The following TEP1 variants were observed in gnomAD, a reference collection of about 807,000 sequenced individuals.
TEP1 encodes the protein telomerase protein component 1.
TEP1 carries 241 observed loss-of-function variants against 306.3 expected under a neutral mutation model. The observed-to-expected ratio is 0.79, with a 90% CI of 0.71 to 0.88. The LOEUF (loss-of-function observed/expected upper bound fraction) is 0.88. Ranked by LOEUF, TEP1 falls within the 40% of genes least tolerant of loss-of-function variation. The pLI, the probability that TEP1 is intolerant of heterozygous loss-of-function variation, is 0.00. For missense variants in TEP1, 3,051 were observed against 3,276.1 expected (o/e 0.93, Z 1.68); for synonymous variants, 1,289 against 1,305.5 (o/e 0.99, Z 0.27).
intron 28 of TEP1, 75 bp from the exon 29 acceptor site, chr14:20,382,431 G>A (rs1876658519): frequency 1.6e-5 from 25 of 1,559,594 alleles, no homozygotes; most frequent in Admixed American, 3.6e-5. Context: ...TAGGGAAGGG[G>A]CAGCAGGAGG....
In TEP1 at chr14:20,378,970, G is replaced by A; in HGVS notation, c.5252+11C>T. ...GCCCTCATTCCAAGACAAATGGGGA[G>A]GACCCCTTACCGACAACCATGCTGC... On this transcript the variant is annotated intron_variant, in intron 36 of 54. Transcript: ENST00000262715. The A allele has an allele frequency of 1.2e-6, 2 of 1,614,186 alleles. No homozygotes were observed. Among genetic ancestry groups the A allele is most frequent in the South Asian group, 2.2e-5 (2 of 91,070 alleles).
intron 18 of TEP1, among the ~76,000 whole-genome samples, 186 bp from the exon 19 acceptor site, chr14:20,386,809 C>A (rs1190461849): frequency 6.6e-6 from 1 of 152,180 alleles, no homozygotes; most frequent in African/African-American, 2.4e-5. Flanking sequence ...GAATTTAATG[C>A]CCACTTGCTA....
At chr14:20,379,307 T>C (rs1047599328) in intron 35 of TEP1, among the ~76,000 whole-genome samples, 1 of 152,164 alleles carries the variant, frequency 6.6e-6, no homozygotes, top group African/African-American at 2.4e-5. Context: ...CCAAACCCCA[T>C]ACCTATTCCC....
Position 20,368,414 on chromosome 14 carries a change from C to T in TEP1, c.*23G>A. 6.2e-7 allele frequency: 1 copy of T among 1,613,046 alleles called. No individual in the cohort carries two copies. Among genetic ancestry groups the T allele is most frequent in the Non-Finnish European group, 8.5e-7 (1 of 1,179,104 alleles). On this transcript the variant is annotated 3_prime_UTR_variant, in exon 55 of 55. Transcript: ENST00000262715. ...TTTGCATCTCTAGCACAAGGGGTAT[C>T]ATTATTCCCGAGTGGCACATCTTCA...
chr14:20,377,707 C>A lies in TEP1; in HGVS notation c.5768G>T (p.Gly1923Val). Reference protein sequence around the residue: ...GSLGRPRGHLGSLSLSPALSV... With the variant: ...GSLGRPRGHLVSLSLSPALSV... The stretch of plus-strand genomic sequence containing the variant: ...GAGGGCAGGAGAGAGAGAAAGGGAA[C>A]CCAGGTGCCCACGGGGCCGACCCAG... Residue 1923 changes from glycine to valine, a missense_variant, in exon 40 of 55, where the codon GGT (glycine) becomes GTT (valine). By Grantham distance (109) the Gly-to-Val change is moderately radical. Around this residue, in one of 3 missense-constraint regions of TEP1, gnomAD observed 1,540 missense variants for 1,705.9 expected, o/e 0.90. Transcript: ENST00000262715. The A allele has an allele frequency of 6.2e-7, 1 of 1,614,068 alleles. No individual in the cohort carries two copies.
rs71416944 is a variant in TEP1, at chr14:20,399,632, T to TAAAAA, written c.1549+1347_1549+1351dup. On this transcript the variant is annotated intron_variant, in intron 9 of 54. Transcript: ENST00000262715. ...GGCAACAAAGTGAGGCCCTGTTTCT[T>TAAAAA]AAAAAAAAAAAAAAAAAAAAAAAAA... Among the ~76,000 whole-genome samples the TAAAAA allele has an allele frequency of 5.2e-3, 408 of 78,590 alleles. 8 individuals are homozygous for TAAAAA. The highest frequency in any genetic ancestry group is 0.022 in the African/African-American group (379 of 16,960). 51.6% of individuals were successfully genotyped at this position (78,590 alleles called of 152,430 possible).
rs770095160 is a variant in TEP1, at chr14:20,373,263, C to T, written c.6814+7G>A. On this transcript the variant is annotated splice_region_variant and intron_variant, in intron 47 of 54. Transcript: ENST00000262715. ...ACACACCCTGTCTCTCTCCAAGCCT[C>T]ACTCACCTGCTTCCTTAGGAACCTG... 6 of 1,613,762 alleles carry T rather than the reference C, an allele frequency of 3.7e-6. No individual in the cohort carries two copies. In the Admixed American group the frequency reaches 8.3e-5, roughly 22 times the overall value.
In TEP1 at chr14:20,369,440, G is replaced by A; in HGVS notation, c.7560C>T (p.Asp2520=). ...NTPETQTPGT[D]PSTCRESDAS... is the part of the protein sequence containing the mutation. ...CATCAGATTCCCTGCAGGTAGATGG[G>A]TCTGTCCCTGGAGTTTGGGTTTCTG... The change falls in exon 53 of 55, where the codon GAC becomes GAT. Residue 2520 remains aspartate, a synonymous_variant. Coordinates refer to ENST00000262715, the MANE Select transcript of TEP1 (RefSeq NM_007110.5). The A allele has an allele frequency of 6.2e-7, 1 of 1,614,102 alleles. No homozygotes were observed. The highest frequency in any genetic ancestry group is 1.1e-5 in the South Asian group (1 of 91,076).
chr14:20,376,855 G>T (rs1337456136), intron 41 of TEP1, among the ~76,000 whole-genome samples: 1 of 152,158 alleles, frequency 6.6e-6, no homozygotes, highest in Non-Finnish European at 1.5e-5. Context: ...AAACAAAATC[G>T]CACATGTGTA....
Position 20,368,781 on chromosome 14 carries a change from CACACA to C in TEP1, c.7761+12_7761+16del, listed in dbSNP as rs774113242. ...AGGCGCACGCACACACACACACACACACACACACACACTTACCAGCTGCATACTGG... is the reference window on the plus strand; with the variant it reads ...AGGCGCACGCACACACACACACACACCACACACTTACCAGCTGCATACTGG... On this transcript the variant is annotated intron_variant, in intron 54 of 54. Transcript: ENST00000262715. The C allele has an allele frequency of 1.9e-5, 31 of 1,603,978 alleles. No homozygotes were observed. The highest frequency in any genetic ancestry group is 2.5e-5 in the Non-Finnish European group (29 of 1,171,410).
chr14:20,380,204 G>A, intron 34 of TEP1, 31 bp downstream of exon 34: 4 of 1,602,840 alleles, frequency 2.5e-6, no homozygotes, highest in Non-Finnish European at 3.4e-6. Context: ...CTCTCTGGTG[G>A]GCTTACTAGG....
In TEP1 at chr14:20,404,773, C is replaced by G. The variant is rs368233990; in HGVS notation, c.871-1G>C. On this transcript the variant is annotated splice_acceptor_variant, in intron 4 of 54. Transcript: ENST00000262715. LOFTEE classifies it high-confidence loss of function. ...GCTGCTGCCTGGCATACAAAGATGC[C>G]TAGGACACAGGGTGAGAGGACTAGA... is the stretch of plus-strand genomic sequence containing the variant. 1.2e-6 allele frequency: 2 copies of G among 1,605,930 alleles called. No individual in the cohort carries two copies. The highest frequency in any genetic ancestry group is 1.7e-6 in the Non-Finnish European group (2 of 1,175,570).
chr14:20,366,176 C>G lies in TEP1; in HGVS notation c.*2261G>C, dbSNP rs11555903. ...CAAAAAACCCTTCAAGTGGGCCTGGCCAACAAGACTGAATCTATTGAGCCT... is the reference window on the plus strand; with the variant it reads ...CAAAAAACCCTTCAAGTGGGCCTGGGCAACAAGACTGAATCTATTGAGCCT... On this transcript the variant is annotated 3_prime_UTR_variant, in exon 55 of 55. Transcript: ENST00000262715. The G allele has an allele frequency of 3.0e-4, 45 of 152,194 alleles. No homozygotes were observed. The highest frequency in any genetic ancestry group is 2.5e-3 in the Admixed American group (38 of 15,280). 9.4% of individuals were successfully genotyped at this position (152,194 alleles called of 1,614,324 possible). A position where few individuals can be genotyped will look rare whatever the true frequency, so the allele number is the denominator to read the frequency against.
intron 7 of TEP1, among the ~76,000 whole-genome samples, chr14:20,402,484 G>A (rs990130041): frequency 6.6e-6 from 1 of 152,090 alleles, no homozygotes; most frequent in Non-Finnish European, 1.5e-5. Context: ...TTTTAATAAC[G>A]ATGATGGTAG....
intron 18 of TEP1, among the ~76,000 whole-genome samples, chr14:20,387,260 C>G (rs1877260400): frequency 6.8e-6 from 1 of 147,374 alleles, no homozygotes; most frequent in South Asian, 2.2e-4. Flanking sequence ...AGAAATTAAG[C>G]AACTGGTCAG....
chr14:20,376,078 C>G, intron 42 of TEP1, 26 bp downstream of exon 42: 1 of 1,609,738 alleles, frequency 6.2e-7, no homozygotes, highest in South Asian at 1.1e-5. Context: ...TATGGGACCC[C>G]AGGGTTGCAT....
intron 20 of TEP1, among the ~76,000 whole-genome samples, chr14:20,385,669 G>A (rs879513474): frequency 5.9e-5 from 9 of 152,204 alleles, no homozygotes; most frequent in Non-Finnish European, 1.2e-4. Flanking sequence ...CACTGCACCT[G>A]GCCCTGTTAC....
chr14:20,412,650 T>C (rs1460489644), intron 1 of TEP1, among the ~76,000 whole-genome samples: 1 of 151,900 alleles, frequency 6.6e-6, no homozygotes, highest in East Asian at 1.9e-4. Flanking sequence ...CCTTGCCCTG[T>C]TAACACATTA....
chr14:20,403,774 G>T lies in TEP1; in HGVS notation c.1143C>A (p.Asn381Lys), dbSNP rs1231108847. ...QFDEYQLAKY[N>K]PRKHRAKRHP... ...GTCTCTTGGCCCGGTGCTTCCGAGG[G>T]TTGTACTTAGCCAGCTGGTACTCGT... Residue 381 changes from asparagine to lysine, a missense_variant, in exon 6 of 55, where the codon AAC becomes AAA. By Grantham distance (94) the Asn-to-Lys change is moderately conservative. Transcript: ENST00000262715. The T allele has an allele frequency of 1.2e-6, 2 of 1,614,012 alleles. No homozygotes were observed. The highest frequency in any genetic ancestry group is 1.7e-6 in the Non-Finnish European group (2 of 1,180,048).
Sources: allele counts gnomAD v4.1 joint callset (sites outside exome capture counted in the v4.1 genomes callset), GRCh38; gene constraint gnomAD v4.1.1; regional missense constraint gnomAD v4.1.1; transcripts MANE v1.5; gene names NCBI Gene and HGNC (gene_info 2026-07-23, HGNC 2026-07-21).